GOLGA7B: variants seen among roughly 807,000 people sequenced by gnomAD.
The protein encoded by GOLGA7B is golgin A7 family member B, also known as golgin subfamily A member 7B.
In GOLGA7B, 17 loss-of-function variants were observed where a neutral mutation model predicts 21.5. The observed-to-expected ratio is 0.79, with a 90% CI of 0.54 to 1.19. The LOEUF (loss-of-function observed/expected upper bound fraction) is 1.19. Among genes scored for constraint, GOLGA7B ranks in the 50% most tolerant of loss-of-function variants. GOLGA7B has a pLI of 0.00. For synonymous variants in GOLGA7B, 87 were observed against 84.0 expected (o/e 1.04, Z -0.19); for missense variants, 169 against 224.4 (o/e 0.75, Z 1.58).
chr10:97,863,412 T>G (rs761629439), intron 2 of GOLGA7B, among the ~76,000 whole-genome samples: 30 of 152,182 alleles, frequency 2.0e-4, no homozygotes, highest in Non-Finnish European at 3.5e-4. Flanking sequence ...GGGTGACCTC[T>G]GAGCTAGAAG....
chr10:97,869,575 C>T lies in GOLGA7B; in HGVS notation c.*3875C>T, dbSNP rs559023865. On this transcript the variant is annotated 3_prime_UTR_variant, in exon 5 of 5. Transcript: ENST00000370602. ...TGCTGTCTGGCTTCCTTCCTTTGGC[C>T]ACAGGGCGGGTGTGTGTGAAACCAC... The T allele has an allele frequency of 1.4e-4, 21 of 152,522 alleles. No individual in the cohort carries two copies. Among genetic ancestry groups the T allele is most frequent in the Admixed American group, 4.6e-4 (7 of 15,304 alleles). The allele number at this position is 152,522 out of a possible 1,614,324, so 9.4% of individuals were successfully genotyped here.
chr10:97,853,080 G>A (rs1382636010), intron 1 of GOLGA7B, among the ~76,000 whole-genome samples: 1 of 152,176 alleles, frequency 6.6e-6, no homozygotes, highest in Non-Finnish European at 1.5e-5. Flanking sequence ...TTCAAGCAGG[G>A]TGTTTGGAGG....
chr10:97,863,302 C>T (rs2049982865), intron 2 of GOLGA7B, among the ~76,000 whole-genome samples: 1 of 152,184 alleles, frequency 6.6e-6, no homozygotes. Context: ...AGTGCATTTC[C>T]TGGCACACAG....
intron 2 of GOLGA7B, among the ~76,000 whole-genome samples, chr10:97,862,461 A>G (rs183082854): frequency 2.6e-5 from 4 of 152,376 alleles, no homozygotes; most frequent in African/African-American, 9.6e-5. Context: ...TATGTATATT[A>G]TATACTGTAT....
chr10:97,861,689 G>C (rs1042154815), intron 2 of GOLGA7B, among the ~76,000 whole-genome samples: 1 of 152,260 alleles, frequency 6.6e-6, no homozygotes, highest in Non-Finnish European at 1.5e-5. Flanking sequence ...TCACTCAGCA[G>C]CCCAGGTAGA....
In GOLGA7B at chr10:97,850,326, G is replaced by T; in HGVS notation, c.12+11G>T. On this transcript the variant is annotated intron_variant, in intron 1 of 4. Coordinates refer to ENST00000370602, the MANE Select transcript of GOLGA7B (RefSeq NM_001010917.3). ...ATCATGGCCACCGAGGTAGGGGCGAGCGCCCCACCCGCAGGCAGTGCCCGA... is the reference window on the plus strand; with the variant it reads ...ATCATGGCCACCGAGGTAGGGGCGATCGCCCCACCCGCAGGCAGTGCCCGA... 1.3e-6 allele frequency: 2 copies of T among 1,514,708 alleles called. No homozygotes were observed. 93.8% of individuals were successfully genotyped at this position (1,514,708 alleles called of 1,614,324 possible). A position where few individuals can be genotyped will look rare whatever the true frequency, so the allele number is the denominator to read the frequency against.
intron 1 of GOLGA7B, among the ~76,000 whole-genome samples, chr10:97,854,558 A>G (rs946184410): frequency 6.6e-6 from 1 of 151,998 alleles, no homozygotes; most frequent in Non-Finnish European, 1.5e-5. Context: ...TCCTTTAGCA[A>G]CTCCTCAGAG....
At chr10:97,852,660 CA>C (rs768316649) in intron 1 of GOLGA7B, among the ~76,000 whole-genome samples, 9 of 149,954 alleles carry the variant, frequency 6.0e-5, no homozygotes, top group African/African-American at 9.9e-5. Context: ...AGGAACTCCT[CA>C]GCTCTAGGAG....
chr10:97,865,309 C>A (rs927024310), intron 4 of GOLGA7B: 12 of 443,870 alleles, frequency 2.7e-5, no homozygotes, highest in Non-Finnish European at 4.3e-5. Context: ...GTCATTAGAC[C>A]CACTGGAATG....
rs897521189 is a variant in GOLGA7B at position 97,864,281 on chromosome 10, G to A, written c.393+12G>A. 5 of 1,608,868 alleles carry A rather than the reference G, an allele frequency of 3.1e-6. No homozygotes were observed. In the African/African-American group the frequency reaches 5.3e-5, roughly 17 times the overall value. Reference sequence around the variant, plus strand: ...GTGGGATGAGGGTTGTATCCTTCTGGGCTATTCTGTGTTGAGGGCACAGGA... The same window carrying A: ...GTGGGATGAGGGTTGTATCCTTCTGAGCTATTCTGTGTTGAGGGCACAGGA... On this transcript the variant is annotated intron_variant, in intron 4 of 4. Coordinates refer to ENST00000370602, the MANE Select transcript of GOLGA7B (RefSeq NM_001010917.3).
At position 97,864,175 on chromosome 10, in the gene GOLGA7B, A is replaced by G. The variant is rs757195101; in HGVS notation, c.299A>G (p.Lys100Arg). ...CMETHYEKVL[K>R]KISRYIQEQN... ...TGGCTCCTCTTTTTGCAGGTTCTCA[A>G]GAAGATTTCCCGCTACATCCAGGAG... Residue 100 changes from lysine (K) to arginine (R), a missense_variant, in exon 4 of 5, where the codon AAG becomes AGG. Physicochemically the swap from Lys to Arg is conservative, Grantham distance 26 (BLOSUM62 2). Coordinates refer to ENST00000370602, the MANE Select transcript of GOLGA7B (RefSeq NM_001010917.3). The G allele has an allele frequency of 1.2e-6, 2 of 1,614,156 alleles. No individual in the cohort carries two copies. The highest frequency in any genetic ancestry group is 2.2e-5 in the East Asian group (1 of 44,882).
At position 97,865,676 on chromosome 10, in the gene GOLGA7B, G is replaced by T. The variant is rs752391572; in HGVS notation, c.480G>T (p.Gly160=). ...GCGGCAGTGGCAGCAGCAGCGGTGG[G>T]GGTGGTGGGGCGGGGGCCCGGTGAC... ...SSSGSGSSSG[G]GGGAGAR is the part of the protein sequence containing the mutation. The change falls in exon 5 of 5, where the codon GGG becomes GGT. Residue 160 remains glycine (G), a synonymous_variant. Transcript: ENST00000370602. The T allele has an allele frequency of 1.9e-6, 3 of 1,608,608 alleles. No homozygotes were observed. The highest frequency in any genetic ancestry group is 1.1e-5 in the South Asian group (1 of 90,342).
chr10:97,850,407 T>A, intron 1 of GOLGA7B, 92 bp downstream of exon 1: 1 of 1,131,610 alleles, frequency 8.8e-7, no homozygotes, highest in Non-Finnish European at 1.2e-6. Flanking sequence ...GAGGCGGGAG[T>A]TGGGGGTGGG....
At chr10:97,860,872 T>A (rs1426444303) in intron 2 of GOLGA7B, among the ~76,000 whole-genome samples, 1 of 152,172 alleles carries the variant, frequency 6.6e-6, no homozygotes, top group East Asian at 1.9e-4. Context: ...GCAGTGGTGA[T>A]CTTTGCTGCT....
At position 97,865,600 on chromosome 10, in the gene GOLGA7B, C is replaced by A. The variant is rs2050011109; in HGVS notation, c.404C>A (p.Ser135Tyr). 6.2e-7 allele frequency: 1 copy of A among 1,613,544 alleles called. No homozygotes were observed. The highest frequency in any genetic ancestry group is 1.7e-5 in the Admixed American group (1 of 60,006). Residue 135 changes from serine to tyrosine, a missense_variant, in exon 5 of 5, where the codon TCC (serine) becomes TAC (tyrosine). Ser to Tyr is a moderately radical substitution (Grantham distance 144, BLOSUM62 -2). Coordinates refer to ENST00000370602, the MANE Select transcript of GOLGA7B (RefSeq NM_001010917.3). Reference protein sequence around the residue: ...VERGMRVIEISIYEDRCSSGS... With the variant: ...VERGMRVIEIYIYEDRCSSGS... ...AACCACCGACCCCAGATTGAGATCT[C>A]CATCTACGAGGACCGGTGCAGCAGT... is the stretch of plus-strand genomic sequence containing the variant.
chr10:97,850,346 G>A, intron 1 of GOLGA7B, 31 bp downstream of exon 1: 3 of 1,509,532 alleles, frequency 2.0e-6, no homozygotes, highest in Non-Finnish European at 2.7e-6. Flanking sequence ...CGCAGGCAGT[G>A]CCCGATTGCC....
chr10:97,852,947 G>C (rs949300405), intron 1 of GOLGA7B, among the ~76,000 whole-genome samples: 6 of 152,116 alleles, frequency 3.9e-5, no homozygotes, highest in Non-Finnish European at 8.8e-5. Flanking sequence ...CTGGGAGCAG[G>C]GTCTGCCCTG....
In GOLGA7B at chr10:97,859,424, A is replaced by G. The variant is rs775385022; in HGVS notation, c.13-34A>G. 19 of 1,607,916 alleles carry G rather than the reference A, an allele frequency of 1.2e-5. No individual in the cohort carries two copies. In the Middle Eastern group the frequency reaches 9.9e-4, roughly 84 times the overall value. On this transcript the variant is annotated intron_variant, in intron 1 of 4. Transcript: ENST00000370602. ...TTGGGATATGCCGAGATGGATGGTC[A>G]CTCTCAGCACATGCCGCCCGCACGT...
intron 1 of GOLGA7B, among the ~76,000 whole-genome samples, chr10:97,855,932 A>T (rs1274372357): frequency 1.3e-5 from 2 of 152,206 alleles, no homozygotes; most frequent in African/African-American, 4.8e-5. Flanking sequence ...TACATACAGC[A>T]AGGTCCACCT....
Sources: allele counts gnomAD v4.1 joint callset (sites outside exome capture counted in the v4.1 genomes callset), GRCh38; gene constraint gnomAD v4.1.1; transcripts MANE v1.5; gene names NCBI Gene and HGNC (gene_info 2026-07-23, HGNC 2026-07-21).